Variants in OCA2 observed in about 807,000 individuals in gnomAD.
OCA2 encodes OCA2 melanosomal transmembrane protein.
A neutral mutation model predicts 100.2 loss-of-function variants in OCA2; 77 were observed. The ratio of observed to expected loss-of-function variants is 0.77; its 90% CI spans 0.64 to 0.93. The LOEUF (loss-of-function observed/expected upper bound fraction) is 0.93, where lower values mean the gene tolerates loss of function less well. Among genes scored for constraint, OCA2 ranks in the 40% least tolerant of loss-of-function variants. OCA2 has a pLI of 0.00. For synonymous variants in OCA2, 432 were observed against 439.2 expected, an observed-to-expected ratio of 0.98 and a Z score of 0.21; for missense variants, 1,062 against 1,089.1, an observed-to-expected ratio of 0.98 and a Z score of 0.35.
intron 2 of OCA2, among the ~76,000 whole-genome samples, chr15:28,056,226 C>T (rs1037728759): frequency 2.6e-5 from 4 of 152,176 alleles, no homozygotes; most frequent in Non-Finnish European, 2.9e-5. Context: ...GTAGAAACAG[C>T]GTTTTCATAT....
At chr15:28,078,532 C>T (rs1398551402) in intron 2 of OCA2, among the ~76,000 whole-genome samples, 3 of 152,228 alleles carry the variant, frequency 2.0e-5, no homozygotes, top group African/African-American at 7.2e-5. Context: ...AGATGGCCTC[C>T]AGTCAACAGC....
intron 23 of OCA2, among the ~76,000 whole-genome samples, chr15:27,831,590 C>T (rs1194005683): frequency 1.3e-5 from 2 of 152,232 alleles, no homozygotes; most frequent in Non-Finnish European, 2.9e-5. Context: ...ACAGTCAAGG[C>T]CTGTTCTGCC....
At chr15:28,015,968 C>T (rs2042377382) in intron 8 of OCA2, 136 bp downstream of exon 8, 1 of 737,550 alleles carries the variant, frequency 1.4e-6, no homozygotes, top group East Asian at 2.6e-5. Flanking sequence ...ACTGTCTACA[C>T]AGCATGAGTG....
At chr15:28,032,216 G>A (rs2042926482) in intron 2 of OCA2, 53 bp from the exon 3 acceptor site, 7 of 1,313,594 alleles carry the variant, frequency 5.3e-6, no homozygotes, top group Middle Eastern at 1.9e-4. Flanking sequence ...TAATGTATGT[G>A]TTCCCAGCAC....
chr15:28,011,989 A>G (rs139956067), intron 9 of OCA2, among the ~76,000 whole-genome samples: 1 of 151,660 alleles, frequency 6.6e-6, no homozygotes, highest in South Asian at 2.1e-4. Context: ...AAAAAAAAAA[A>G]GGAAAAAAAA....
rs2035835627 is a variant in OCA2 at position 27,853,438 on chromosome 15, GGGGA to G, written c.2245-1967_2245-1964del. ...GGGACTGTTGTGGGGTGGGGGGAGG[GGGGA>G]GGGATAGCATTGGGAGATATACCTA... On this transcript the variant is annotated intron_variant, in intron 21 of 23. Coordinates refer to ENST00000354638, the MANE Select transcript of OCA2 (RefSeq NM_000275.3). Among the ~76,000 whole-genome samples the G allele has an allele frequency of 2.8e-5, 3 of 106,422 alleles. No homozygotes were observed. In the East Asian group the frequency reaches 1.1e-3, roughly 37 times the overall value. The allele number at this position is 106,422 out of a possible 152,430, so 69.8% of individuals were successfully genotyped here.
At chr15:27,925,892 T>C (rs1220600730) in intron 19 of OCA2, among the ~76,000 whole-genome samples, 1 of 152,142 alleles carries the variant, frequency 6.6e-6, no homozygotes, top group East Asian at 1.9e-4. Context: ...AGAATGAGTT[T>C]ACAAACCACA....
chr15:27,767,811 ACCTACTGAGGT>A (rs766999949), intron 23 of OCA2, among the ~76,000 whole-genome samples: 145 of 152,326 alleles, frequency 9.5e-4, no homozygotes, highest in Middle Eastern at 3.4e-3. Flanking sequence ...AGCAGAGGCA[ACCTACTGAGGT>A]CCCCTTCCAC....
intron 21 of OCA2, among the ~76,000 whole-genome samples, chr15:27,865,372 T>C (rs1267537180): frequency 6.6e-6 from 1 of 152,164 alleles, no homozygotes; most frequent in African/African-American, 2.4e-5. Flanking sequence ...GAGTGTCCTG[T>C]TGACCTGGCC....
chr15:28,061,714 G>T (rs747824493), intron 2 of OCA2, among the ~76,000 whole-genome samples: 3 of 152,180 alleles, frequency 2.0e-5, no homozygotes, highest in Non-Finnish European at 4.4e-5. Context: ...AGAACTATGA[G>T]AAATAATGTT....
At chr15:27,857,780 G>A (rs1372411258) in intron 21 of OCA2, among the ~76,000 whole-genome samples, 2 of 152,038 alleles carry the variant, frequency 1.3e-5, no homozygotes, top group African/African-American at 2.4e-5. Flanking sequence ...ATATTTAATA[G>A]GCATTCAGCT....
intron 23 of OCA2, among the ~76,000 whole-genome samples, chr15:27,831,305 A>AAAAAAAAAAAAAAAAAAAAAAAAAAAAG: frequency 6.6e-6 from 1 of 151,404 alleles, no homozygotes; most frequent in Non-Finnish European, 1.5e-5. Context: ...AAAAAAAAAA[A>AAAAAAAAAAAAAAAAAAAAAAAAAAAAG]ATCGGTCTGA....
intron 14 of OCA2, among the ~76,000 whole-genome samples, chr15:27,976,024 C>T (rs373651521): frequency 2.2e-4 from 32 of 147,394 alleles, no homozygotes; most frequent in African/African-American, 7.9e-4. Context: ...CTGAATACAG[C>T]ATATGTTTTG....
At chr15:28,019,859 T>TGCAGCTTTCACAAAGC (rs1268272637) in intron 6 of OCA2, among the ~76,000 whole-genome samples, 3 of 152,194 alleles carry the variant, frequency 2.0e-5, no homozygotes, top group African/African-American at 4.8e-5. Flanking sequence ...GCCTCAGGCC[T>TGCAGCTTTCACAAAGC]GCAGCTTTCA....
chr15:28,043,825 C>T lies in OCA2; in HGVS notation c.228-11662G>A, dbSNP rs1335700253. ...ATTGCACAAAGCACAGAAGTATACT[C>T]CTCCCAAAACAAACCAGATGGGCTA... is the stretch of plus-strand genomic sequence containing the variant. On this transcript the variant is annotated intron_variant, in intron 2 of 23. Transcript: ENST00000354638. This position sits in a 1 kb window ranked among gnomAD's most constrained non-coding sequence, Gnocchi z 4.4. 6.6e-6 allele frequency among the ~76,000 whole-genome samples: 1 copy of T among 152,148 alleles called. No individual in the cohort carries two copies. Among genetic ancestry groups the T allele is most frequent in the African/African-American group, 2.4e-5 (1 of 41,434 alleles).
chr15:27,966,610 CT>C, intron 15 of OCA2, 79 bp downstream of exon 15: 1 of 1,531,590 alleles, frequency 6.5e-7, no homozygotes, highest in South Asian at 1.1e-5. Flanking sequence ...CAGATACTTC[CT>C]AATAAGAACT....
At chr15:28,059,449 C>G (rs900574572) in intron 2 of OCA2, among the ~76,000 whole-genome samples, 1 of 152,162 alleles carries the variant, frequency 6.6e-6, no homozygotes, top group African/African-American at 2.4e-5. Context: ...GAGGCCAAGG[C>G]AGGAGGACCC....
At chr15:28,097,186 G>A (rs1270875388) in intron 1 of OCA2, among the ~76,000 whole-genome samples, 1 of 152,166 alleles carries the variant, frequency 6.6e-6, no homozygotes, top group Non-Finnish European at 1.5e-5. Context: ...GCACAGGCGC[G>A]CCAGCCACAC....
At chr15:27,891,105 T>C (rs554836954) in intron 19 of OCA2, among the ~76,000 whole-genome samples, 2 of 152,192 alleles carry the variant, frequency 1.3e-5, no homozygotes, top group East Asian at 3.9e-4. Flanking sequence ...CAATAGATTA[T>C]TCCTTTCCCT....
Sources: allele counts gnomAD v4.1 joint callset (sites outside exome capture counted in the v4.1 genomes callset), GRCh38; gene constraint gnomAD v4.1.1; non-coding constraint Gnocchi (gnomAD v3.1); transcripts MANE v1.5; gene names NCBI Gene and HGNC (gene_info 2026-07-23, HGNC 2026-07-21).